Variants in EGF observed in about 807,000 individuals in gnomAD.
The protein encoded by EGF is pro-epidermal growth factor.
In EGF, 95 loss-of-function variants were observed where a neutral mutation model predicts 143.8. The ratio of observed to expected loss-of-function variants is 0.66; its 90% CI spans 0.56 to 0.78. The LOEUF (loss-of-function observed/expected upper bound fraction) is 0.78. Among genes scored for constraint, EGF ranks in the 30% least tolerant of loss-of-function variants. EGF has a pLI of 0.00. For missense variants in EGF, 1,320 were observed against 1,470.9 expected (o/e 0.90, Z 1.68); for synonymous variants, 510 against 510.5 (o/e 1.00, Z 0.01).
intron 21 of EGF, among the ~76,000 whole-genome samples, chr4:110,003,913 T>C (rs1486418869): frequency 6.6e-6 from 1 of 152,182 alleles, no homozygotes; most frequent in East Asian, 1.9e-4. Flanking sequence ...AAGAGCAGCC[T>C]AGGCTTTGTG....
At position 109,941,114 on chromosome 4, in the gene EGF, A is replaced by G. The variant is rs999263406; in HGVS notation, c.296A>G (p.Gln99Arg). Residue 99 changes from glutamine to arginine, a missense_variant, in exon 2 of 24, where the codon CAA becomes CGA. Transcript: ENST00000265171. The part of the protein sequence containing the change: ...YWVDLERQLL[Q>R]RVFLNGSRQE... ...GTGGATTTAGAAAGACAACTTTTGC[A>G]AAGAGTTTTTCTGAATGGGTCAAGG... 30 of 1,613,912 alleles carry G rather than the reference A, an allele frequency of 1.9e-5. No individual in the cohort carries two copies. The highest frequency in any genetic ancestry group is 2.5e-5 in the Non-Finnish European group (29 of 1,179,966).
chr4:109,980,666 G>A, intron 14 of EGF, 160 bp from the exon 15 acceptor site: 1 of 796,152 alleles, frequency 1.3e-6, no homozygotes, highest in South Asian at 1.5e-5. Context: ...GCTCCTTGGG[G>A]GAACTCTTCT....
At chr4:109,948,499 G>A (rs1743238573) in intron 5 of EGF, among the ~76,000 whole-genome samples, 3 of 151,708 alleles carry the variant, frequency 2.0e-5, no homozygotes, top group South Asian at 2.1e-4. Context: ...TTTTTTTGGG[G>A]GGGTGGATGA....
At chr4:109,961,279 C>A (rs1745650215) in intron 7 of EGF, among the ~76,000 whole-genome samples, 1 of 152,034 alleles carries the variant, frequency 6.6e-6, no homozygotes, top group Non-Finnish European at 1.5e-5. Context: ...TCACTTGAAC[C>A]AGGAGGAGGA....
At position 110,001,722 on chromosome 4, in the gene EGF, A is replaced by G. The variant is rs565442143; in HGVS notation, c.3173+1876A>G. The G allele has an allele frequency of 1.7e-4, 169 of 985,444 alleles. No homozygotes were observed. In the Middle Eastern group the frequency reaches 3.1e-3, roughly 18 times the overall value. 61.0% of individuals were successfully genotyped at this position (985,444 alleles called of 1,614,324 possible). On this transcript the variant is annotated intron_variant, in intron 21 of 23. Coordinates refer to ENST00000265171, the MANE Select transcript of EGF (RefSeq NM_001963.6). Reference sequence around the variant, plus strand: ...CAAAGACCAGCTCAGCTGAAAGATGACTATAGACTTTACATACATATAAGA... The same window carrying G: ...CAAAGACCAGCTCAGCTGAAAGATGGCTATAGACTTTACATACATATAAGA...
intron 5 of EGF, 55 bp from the exon 6 acceptor site, chr4:109,959,257 C>G: frequency 7.4e-6 from 12 of 1,611,128 alleles, no homozygotes; most frequent in Non-Finnish European, 1.0e-5. Context: ...AAAGATTTAG[C>G]AGTGTCCTCT....
Position 109,994,611 on chromosome 4 carries a change from T to C in EGF, c.2858-122T>C, listed in dbSNP as rs530145862. On this transcript the variant is annotated intron_variant, in intron 19 of 23. Coordinates refer to ENST00000265171, the MANE Select transcript of EGF (RefSeq NM_001963.6). ...AAAGTGAAACTATTGTCCCTTCTAGTAGTTCTTCTGTCACTAAAAGATTTA... is the reference window on the plus strand; with the variant it reads ...AAAGTGAAACTATTGTCCCTTCTAGCAGTTCTTCTGTCACTAAAAGATTTA... 27 of 1,139,180 alleles carry C rather than the reference T, an allele frequency of 2.4e-5. No individual in the cohort carries two copies. The African/African-American group carries it at 3.8e-4, about 16-fold the overall frequency. The allele number at this position is 1,139,180 out of a possible 1,614,324, so 70.6% of individuals were successfully genotyped here.
rs1162483925 is a variant in EGF at position 110,002,438 on chromosome 4, A to T, written c.3174-2067A>T. 2.0e-5 allele frequency among the ~76,000 whole-genome samples: 3 copies of T among 152,312 alleles called. No individual in the cohort carries two copies. In the East Asian group the frequency reaches 5.8e-4, roughly 29 times the overall value. ...AGCCAGGGAGGCAGTGATTACAGTAAGCCGTGATTGCACCACTGCTCTCCA... is the reference window on the plus strand; with the variant it reads ...AGCCAGGGAGGCAGTGATTACAGTATGCCGTGATTGCACCACTGCTCTCCA... On this transcript the variant is annotated intron_variant, in intron 21 of 23. Coordinates refer to ENST00000265171, the MANE Select transcript of EGF (RefSeq NM_001963.6).
chr4:109,982,066 C>T (rs942787753), intron 15 of EGF, among the ~76,000 whole-genome samples: 5 of 151,650 alleles, frequency 3.3e-5, no homozygotes, highest in Non-Finnish European at 7.4e-5. Flanking sequence ...CTCCTAGTAG[C>T]TGGGACCACA....
chr4:109,989,655 A>T (rs1394776811), intron 18 of EGF, among the ~76,000 whole-genome samples: 1 of 152,206 alleles, frequency 6.6e-6, no homozygotes, highest in Non-Finnish European at 1.5e-5. Flanking sequence ...CAGTCAGGAA[A>T]ATGTCACTGC....
intron 1 of EGF, among the ~76,000 whole-genome samples, chr4:109,920,135 G>T (rs1737513724): frequency 6.6e-6 from 1 of 151,570 alleles, no homozygotes; most frequent in Non-Finnish European, 1.5e-5. Flanking sequence ...CAGATGAAAG[G>T]TAACAAAGAT....
chr4:109,968,881 A>T, intron 10 of EGF, 90 bp from the exon 11 acceptor site: 1 of 1,568,964 alleles, frequency 6.4e-7, no homozygotes, highest in African/African-American at 1.4e-5. Context: ...AGCTCTTAAC[A>T]CCCTGTACAA....
intron 2 of EGF, 79 bp from the exon 3 acceptor site, chr4:109,943,175 T>C: frequency 9.7e-7 from 1 of 1,026,986 alleles, no homozygotes; most frequent in Non-Finnish European, 1.4e-6. Context: ...AAGAATAGAC[T>C]TTTTATATAT....
chr4:109,994,733 A>G lies in EGF; in HGVS notation c.2858A>G (p.Asp953Gly). Residue 953 changes from aspartate (D) to glycine (G), a missense_variant and splice_region_variant, in exon 20 of 24, where the codon GAC (aspartate) becomes GGC (glycine). This residue lies in a region of EGF where 1,186 missense variants were observed against 1,313.7 expected (regional missense o/e 0.90). Coordinates refer to ENST00000265171, the MANE Select transcript of EGF (RefSeq NM_001963.6). ...AAAGTAATGTCTTGGGTTCTTTTAG[A>G]CTCTACTCCACCCCCTCACCTCAGG... Reference protein sequence around the residue: ...RLSEPGLICPDSTPPPHLRED... With the variant: ...RLSEPGLICPGSTPPPHLRED... 1 of 1,613,926 alleles carries G rather than the reference A, an allele frequency of 6.2e-7. No homozygotes were observed. The highest frequency in any genetic ancestry group is 8.5e-7 in the Non-Finnish European group (1 of 1,179,974).
intron 20 of EGF, among the ~76,000 whole-genome samples, chr4:109,998,018 C>G (rs1752057781): frequency 6.6e-6 from 1 of 152,176 alleles, no homozygotes; most frequent in Non-Finnish European, 1.5e-5. Flanking sequence ...GAACTAGTAT[C>G]CTGTGTCCTC....
intron 1 of EGF, among the ~76,000 whole-genome samples, chr4:109,927,032 T>C (rs1738802849): frequency 6.6e-6 from 1 of 152,228 alleles, no homozygotes; most frequent in Non-Finnish European, 1.5e-5. Flanking sequence ...GTTTTTGTCT[T>C]TTTAAATCCA....
At position 109,913,185 on chromosome 4, in the gene EGF, G is replaced by A; in HGVS notation, c.-151G>A. On this transcript the variant is annotated 5_prime_UTR_variant, in exon 1 of 24. Coordinates refer to ENST00000265171, the MANE Select transcript of EGF (RefSeq NM_001963.6). ...TCTCAGTTGAAGAAAGAGCTTGGAG[G>A]ACAACAGCACAACAGGAGAGTAAAA... is the stretch of plus-strand genomic sequence containing the variant. 1.1e-6 allele frequency: 1 copy of A among 876,486 alleles called. No homozygotes were observed. The highest frequency in any genetic ancestry group is 1.8e-6 in the Non-Finnish European group (1 of 550,038). 54.3% of individuals were successfully genotyped at this position (876,486 alleles called of 1,614,324 possible). A position where few individuals can be genotyped will look rare whatever the true frequency, so the allele number is the denominator to read the frequency against.
chr4:109,960,144 A>C (rs1405599411), intron 6 of EGF, among the ~76,000 whole-genome samples: 3 of 152,216 alleles, frequency 2.0e-5, no homozygotes, highest in African/African-American at 7.2e-5. Context: ...CTGGGGCTTC[A>C]GCCAGAATAA....
intron 17 of EGF, 143 bp downstream of exon 17, chr4:109,988,003 AT>A: frequency 1.0e-5 from 7 of 688,210 alleles, no homozygotes; most frequent in African/African-American, 1.8e-5. Flanking sequence ...AAAAAAAAAA[AT>A]TGAATGACAT....
Sources: gnomAD v4.1 joint callset for allele counts (sites outside exome capture counted in the v4.1 genomes callset) on GRCh38, gnomAD v4.1.1 for gene constraint, gnomAD v4.1.1 regional missense constraint, MANE v1.5 for transcripts, NCBI Gene and HGNC (gene_info 2026-07-23, HGNC 2026-07-21) for gene names.